Variants in FMNL2 observed in about 807,000 individuals in gnomAD.
The protein encoded by FMNL2 is formin-like protein 2.
In FMNL2, 51 loss-of-function variants were observed where a neutral mutation model predicts 130.2. The observed-to-expected ratio is 0.39, with a 90% CI of 0.31 to 0.49. The LOEUF (loss-of-function observed/expected upper bound fraction) is 0.49, where lower values mean the gene tolerates loss of function less well. Among genes scored for constraint, FMNL2 ranks in the 20% least tolerant of loss-of-function variants. The pLI is 0.85. For missense variants in FMNL2, 977 were observed against 1,316.2 expected (o/e 0.74, Z 3.99); for synonymous variants, 465 against 467.1 (o/e 1.00, Z 0.06).
intron 1 of FMNL2, among the ~76,000 whole-genome samples, chr2:152,423,506 A>G (rs1417393417): frequency 6.6e-6 from 1 of 152,180 alleles, no homozygotes; most frequent in African/African-American, 2.4e-5. Flanking sequence ...GGCATCAGGA[A>G]GAGTAAAAGC....
At chr2:152,646,207 C>G (rs947990595) in intron 25 of FMNL2, among the ~76,000 whole-genome samples, 1 of 151,186 alleles carries the variant, frequency 6.6e-6, no homozygotes, top group Non-Finnish European at 1.5e-5. Flanking sequence ...GTGGCAAATG[C>G]CTGTAGCCCA....
Position 152,619,709 on chromosome 2 carries a change from G to C in FMNL2, c.1828G>C (p.Gly610Arg). 1 of 1,611,202 alleles carries C rather than the reference G, an allele frequency of 6.2e-7. No individual in the cohort carries two copies. The highest frequency in any genetic ancestry group is 8.5e-7 in the Non-Finnish European group (1 of 1,179,102). ...TTCACCCACAGTGGTTTTCAACTCAGGATTAGCAGGTAAGAGCACAGAATT... is the reference window on the plus strand; with the variant it reads ...TTCACCCACAGTGGTTTTCAACTCACGATTAGCAGGTAAGAGCACAGAATT... ...TSSPTVVFNS[G>R]LAAVKIKKPI... Residue 610 changes from glycine (G) to arginine (R), a missense_variant, in exon 15 of 26, where the codon GGA becomes CGA. Gly to Arg is a moderately radical substitution (Grantham distance 125). Coordinates refer to ENST00000288670, the MANE Select transcript of FMNL2 (RefSeq NM_052905.4).
chr2:152,344,753 CCTTTTG>C (rs1385562883), intron 1 of FMNL2, among the ~76,000 whole-genome samples: 1 of 152,092 alleles, frequency 6.6e-6, no homozygotes, highest in Non-Finnish European at 1.5e-5. Context: ...TCAATGCAGC[CCTTTTG>C]CTTTGATCTC....
At chr2:152,617,796 A>T (rs1699035525) in intron 13 of FMNL2, among the ~76,000 whole-genome samples, 2 of 152,240 alleles carry the variant, frequency 1.3e-5, no homozygotes, top group Non-Finnish European at 2.9e-5. Flanking sequence ...TGTGCTGAAC[A>T]TAAGAACACC....
chr2:152,612,022 T>TA (rs571648469), intron 11 of FMNL2, among the ~76,000 whole-genome samples: 93 of 149,248 alleles, frequency 6.2e-4, no homozygotes, highest in Admixed American at 1.1e-3. Context: ...GCTTAGAGCA[T>TA]AAAAAAAAAA....
chr2:152,435,109 C>T (rs1161454121), intron 1 of FMNL2, among the ~76,000 whole-genome samples: 2 of 152,232 alleles, frequency 1.3e-5, no homozygotes, highest in Admixed American at 6.5e-5. Context: ...GCATTGGACT[C>T]ATATGGCCTA....
chr2:152,380,441 A>G (rs941865329), intron 1 of FMNL2, among the ~76,000 whole-genome samples: 5 of 152,244 alleles, frequency 3.3e-5, no homozygotes, highest in African/African-American at 9.6e-5. Context: ...AACTGTGTGT[A>G]GTCAGTTCTT....
At chr2:152,611,356 A>G (rs936400277) in intron 10 of FMNL2, 139 bp from the exon 11 acceptor site, 3 of 547,554 alleles carry the variant, frequency 5.5e-6, no homozygotes, top group East Asian at 6.1e-5. Flanking sequence ...AACCATATAT[A>G]TATTTTTAAA....
At chr2:152,342,429 G>A (rs951629275) in intron 1 of FMNL2, among the ~76,000 whole-genome samples, 3 of 152,150 alleles carry the variant, frequency 2.0e-5, no homozygotes, top group Non-Finnish European at 4.4e-5. Context: ...CAGTTGCTTG[G>A]CAGATCTCAT....
intron 6 of FMNL2, among the ~76,000 whole-genome samples, chr2:152,562,073 G>A (rs552153994): frequency 9.9e-5 from 15 of 152,230 alleles, no homozygotes; most frequent in South Asian, 4.1e-4. Flanking sequence ...TTTGTCAGGC[G>A]TAACACTTAA....
chr2:152,522,645 A>G (rs1693159649), intron 2 of FMNL2, among the ~76,000 whole-genome samples: 1 of 152,164 alleles, frequency 6.6e-6, no homozygotes, highest in Non-Finnish European at 1.5e-5. Flanking sequence ...GTTTCCCTGC[A>G]CAAACTCTTT....
Position 152,636,615 on chromosome 2 carries a change from T to C in FMNL2, c.2844+25T>C, listed in dbSNP as rs573911318. ...GGCAAGTATTGGTGCCCCTGAAACC[T>C]GTGAAGAGGCTGCATCCATTAAAGC... is the stretch of plus-strand genomic sequence containing the variant. On this transcript the variant is annotated intron_variant, in intron 22 of 25. Coordinates refer to ENST00000288670, the MANE Select transcript of FMNL2 (RefSeq NM_052905.4). The C allele has an allele frequency of 8.8e-5, 136 of 1,549,622 alleles. No individual in the cohort carries two copies. The South Asian group carries it at 9.9e-4, about 11-fold the overall frequency.
At chr2:152,628,115 T>G (rs973733267) in intron 17 of FMNL2, among the ~76,000 whole-genome samples, 184 bp from the exon 18 acceptor site, 1 of 152,152 alleles carries the variant, frequency 6.6e-6, no homozygotes, top group African/African-American at 2.4e-5. Flanking sequence ...TGAGGCATAG[T>G]CAAGAACCAG....
At chr2:152,469,454 C>T (rs1240631244) in intron 1 of FMNL2, among the ~76,000 whole-genome samples, 2 of 152,230 alleles carry the variant, frequency 1.3e-5, no homozygotes, top group South Asian at 2.1e-4. Flanking sequence ...CCTTTTCCCA[C>T]ATGCTCCCTA....
chr2:152,552,333 T>C (rs1694979986), intron 4 of FMNL2, among the ~76,000 whole-genome samples: 1 of 152,170 alleles, frequency 6.6e-6, no homozygotes, highest in Non-Finnish European at 1.5e-5. Flanking sequence ...AGGAATTCCC[T>C]AAGGCAGAGA....
At chr2:152,498,907 C>T (rs920123154) in intron 1 of FMNL2, among the ~76,000 whole-genome samples, 1 of 152,136 alleles carries the variant, frequency 6.6e-6, no homozygotes, top group South Asian at 2.1e-4. Flanking sequence ...CAGAATTAGT[C>T]CCCCTTCAAC....
At chr2:152,471,739 A>C (rs893198368) in intron 1 of FMNL2, among the ~76,000 whole-genome samples, 1 of 151,824 alleles carries the variant, frequency 6.6e-6, no homozygotes, top group African/African-American at 2.4e-5. Flanking sequence ...GAGGTTCTGG[A>C]TGATGGTGAT....
At chr2:152,630,610 C>T (rs1325915119) in intron 20 of FMNL2, among the ~76,000 whole-genome samples, 1 of 152,116 alleles carries the variant, frequency 6.6e-6, no homozygotes, top group Non-Finnish European at 1.5e-5. Context: ...TGGGTTGAGT[C>T]CCCCGACCAG....
At chr2:152,610,401 TA>T (rs1698614298) in intron 10 of FMNL2, among the ~76,000 whole-genome samples, 1 of 152,158 alleles carries the variant, frequency 6.6e-6, no homozygotes, top group South Asian at 2.1e-4. Context: ...TACCACAATT[TA>T]GGACACAGCG....
Sources: allele counts gnomAD v4.1 joint callset (sites outside exome capture counted in the v4.1 genomes callset), GRCh38; gene constraint gnomAD v4.1.1; transcripts MANE v1.5; gene names NCBI Gene and HGNC (gene_info 2026-07-23, HGNC 2026-07-21).